The following C10orf90 variants were observed in gnomAD, a reference collection of about 807,000 sequenced individuals.
C10orf90 encodes the protein chromosome 10 open reading frame 90, also known as (E2-independent) E3 ubiquitin-conjugating enzyme FATS.
A neutral mutation model predicts 62.5 loss-of-function variants in C10orf90; 56 were observed. That is an observed-to-expected ratio of 0.90 (90% CI 0.72 to 1.12). C10orf90 has a LOEUF of 1.12. C10orf90 is among the 50% of genes most tolerant of loss of function. The pLI, the probability that C10orf90 is intolerant of heterozygous loss-of-function variation, is 0.00. For synonymous variants in C10orf90, 386 were observed against 340.4 expected (o/e 1.13, Z -1.47); for missense variants, 970 against 880.4 (o/e 1.10, Z -1.29).
At chr10:126,433,356 G>A (rs1857703391) in intron 7 of C10orf90, among the ~76,000 whole-genome samples, 1 of 152,168 alleles carries the variant, frequency 6.6e-6, no homozygotes, top group East Asian at 1.9e-4. Context: ...TCAGGAGGGA[G>A]TGGTCAGGTC....
Position 126,504,066 on chromosome 10 carries a change from A to G in C10orf90, c.1425T>C (p.Ala475=), listed in dbSNP as rs1403750567. Residue 475 remains alanine (A), a synonymous_variant, in exon 4 of 10, where the codon GCT becomes GCC. Coordinates refer to ENST00000488181, the MANE Select transcript of C10orf90 (RefSeq NM_001350921.2). The surrounding 1 kb of genome is among the most constrained non-coding windows in gnomAD (Gnocchi z 4.1). ...CCCCTTTTCTTACAGTGACTTGGTT[A>G]GCTCCCACATTTGCCAATTCTGTGT... ...LENTELANVG[A]NQVTVRKGEK... is the part of the protein sequence containing the mutation. The G allele has an allele frequency of 1.9e-6, 3 of 1,614,114 alleles. No individual in the cohort carries two copies. In the East Asian group the frequency reaches 6.7e-5, roughly 36 times the overall value.
intron 2 of C10orf90, among the ~76,000 whole-genome samples, chr10:126,628,755 T>TGTCCTGTATCCA (rs983413023): frequency 5.3e-5 from 8 of 152,240 alleles, no homozygotes; most frequent in African/African-American, 1.9e-4. Flanking sequence ...CTTGCCTGCC[T>TGTCCTGTATCCA]GTCCTGTATC....
intron 2 of C10orf90, among the ~76,000 whole-genome samples, chr10:126,576,707 A>ACATATACATATTATCTATATG (rs1564879095): frequency 1.9e-4 from 8 of 41,400 alleles, no homozygotes; most frequent in South Asian, 6.1e-4. Flanking sequence ...ATGTATATGT[A>ACATATACATATTATCTATATG]TATATATACA....
chr10:126,610,780 C>T (rs985693106), intron 2 of C10orf90, among the ~76,000 whole-genome samples: 1 of 152,170 alleles, frequency 6.6e-6, no homozygotes, highest in African/African-American at 2.4e-5. Flanking sequence ...CCTTCACCCA[C>T]TCAGAGTTAA....
At chr10:126,471,710 A>AGAC (rs1337716304) in intron 4 of C10orf90, among the ~76,000 whole-genome samples, 2 of 152,220 alleles carry the variant, frequency 1.3e-5, no homozygotes, top group African/African-American at 4.8e-5. Context: ...TTTGACGTAA[A>AGAC]GACTCACATG....
At chr10:126,627,464 A>C (rs1845769112) in intron 2 of C10orf90, among the ~76,000 whole-genome samples, 1 of 151,930 alleles carries the variant, frequency 6.6e-6, no homozygotes, top group Non-Finnish European at 1.5e-5. Context: ...TTTGCAAAGG[A>C]GCACACGTCT....
intron 2 of C10orf90, among the ~76,000 whole-genome samples, chr10:126,618,510 T>C (rs575542207): frequency 6.6e-6 from 1 of 152,278 alleles, no homozygotes; most frequent in Admixed American, 6.5e-5. Flanking sequence ...ACTTGCTTGA[T>C]CTCCCACTTA....
chr10:126,489,932 G>A (rs576531148), intron 4 of C10orf90, among the ~76,000 whole-genome samples: 1 of 138,642 alleles, frequency 7.2e-6, no homozygotes, highest in African/African-American at 2.7e-5. Context: ...GGAGGCTAAA[G>A]AGGGGAATAT....
At chr10:126,546,548 G>A (rs189384511) in intron 2 of C10orf90, among the ~76,000 whole-genome samples, 5 of 152,262 alleles carry the variant, frequency 3.3e-5, no homozygotes, top group Admixed American at 1.3e-4. Flanking sequence ...GGGAAGCCAC[G>A]TGGGAAGCAG....
intron 2 of C10orf90, among the ~76,000 whole-genome samples, chr10:126,603,803 G>A (rs954302522): frequency 1.3e-5 from 2 of 152,178 alleles, no homozygotes; most frequent in Admixed American, 1.3e-4. Flanking sequence ...AGGCCTCACA[G>A]TGGTGTGGTT....
chr10:126,587,414 G>A (rs1032718722), intron 2 of C10orf90, among the ~76,000 whole-genome samples: 19 of 152,216 alleles, frequency 1.2e-4, no homozygotes, highest in African/African-American at 4.6e-4. Flanking sequence ...GGTTTCTGGT[G>A]AGGGCCCTCT....
chr10:126,470,236 C>A, intron 4 of C10orf90: 1 of 364,184 alleles, frequency 2.7e-6, no homozygotes, highest in Non-Finnish European at 5.5e-6. Context: ...CTGCATGATG[C>A]ATGCTAATCC....
chr10:126,569,596 A>G (rs1337471479), intron 2 of C10orf90, among the ~76,000 whole-genome samples: 1 of 152,216 alleles, frequency 6.6e-6, no homozygotes, highest in Non-Finnish European at 1.5e-5. Flanking sequence ...AAGAGATGAG[A>G]AAACGAAAAA....
At chr10:126,620,866 A>T (rs529853225) in intron 2 of C10orf90, among the ~76,000 whole-genome samples, 4 of 152,224 alleles carry the variant, frequency 2.6e-5, no homozygotes, top group African/African-American at 9.6e-5. Flanking sequence ...AGGATGATCT[A>T]TAGTTCCAAC....
At chr10:126,482,155 G>A (rs749332472) in intron 4 of C10orf90, among the ~76,000 whole-genome samples, 4 of 152,156 alleles carry the variant, frequency 2.6e-5, no homozygotes, top group East Asian at 3.8e-4. Context: ...CAAGACTCCC[G>A]TGTCATGTAA....
At chr10:126,612,958 C>T (rs1043605730) in intron 2 of C10orf90, among the ~76,000 whole-genome samples, 4 of 152,268 alleles carry the variant, frequency 2.6e-5, no homozygotes, top group Admixed American at 2.6e-4. Context: ...ATGTTACATA[C>T]TAAAGCAGAG....
chr10:126,509,729 T>C (rs187089458), intron 3 of C10orf90, among the ~76,000 whole-genome samples: 18 of 152,302 alleles, frequency 1.2e-4, no homozygotes, highest in Admixed American at 3.9e-4. Context: ...AAGGAAACAC[T>C]GGCGGACTCT....
intron 2 of C10orf90, among the ~76,000 whole-genome samples, chr10:126,626,168 C>T (rs1286877383): frequency 2.7e-5 from 4 of 150,660 alleles, no homozygotes; most frequent in Admixed American, 1.3e-4. Flanking sequence ...CTCCAGACAC[C>T]GTTGATTTCC....
intron 2 of C10orf90, among the ~76,000 whole-genome samples, chr10:126,572,514 C>A (rs1844527826): frequency 6.6e-6 from 1 of 152,016 alleles, no homozygotes; most frequent in Admixed American, 6.5e-5. Context: ...CCTTTTTAGA[C>A]CATATAGAGT....
Sources: gnomAD v4.1 joint callset for allele counts (sites outside exome capture counted in the v4.1 genomes callset) on GRCh38, gnomAD v4.1.1 for gene constraint, Gnocchi (gnomAD v3.1) non-coding constraint, MANE v1.5 for transcripts, NCBI Gene and HGNC (gene_info 2026-07-23, HGNC 2026-07-21) for gene names.